Variants in ST13 observed in about 807,000 individuals in gnomAD.
The protein encoded by ST13 is hsc70-interacting protein.
Under a neutral mutation model 56.7 loss-of-function variants are expected in ST13, and 23 were observed. The observed-to-expected ratio is 0.41, with a 90% CI of 0.29 to 0.57. The LOEUF (loss-of-function observed/expected upper bound fraction) is 0.57. Among genes scored for constraint, ST13 ranks in the 20% least tolerant of loss-of-function variants. The pLI is 0.36. For missense variants in ST13, 369 were observed against 459.9 expected, an observed-to-expected ratio of 0.80 and a Z score of 1.81; for synonymous variants, 132 against 142.4, an observed-to-expected ratio of 0.93 and a Z score of 0.52.
intron 1 of ST13, among the ~76,000 whole-genome samples, chr22:40,853,595 C>A (rs542898991): frequency 1.3e-5 from 2 of 152,138 alleles, no homozygotes; most frequent in Non-Finnish European, 2.9e-5. Context: ...CATAGGACCA[C>A]ATAAAACTTC....
intron 4 of ST13, 64 bp from the exon 5 acceptor site, chr22:40,840,756 T>C (rs1320438652): frequency 4.2e-6 from 6 of 1,422,974 alleles, no homozygotes; most frequent in Non-Finnish European, 4.9e-6. Context: ...CAATTCATAC[T>C]TTCTTAGGGA....
chr22:40,829,734 A>G, intron 9 of ST13, 60 bp from the exon 10 acceptor site: 1 of 935,180 alleles, frequency 1.1e-6, no homozygotes, highest in Non-Finnish European at 1.5e-6. Context: ...TGTCCATGCA[A>G]CCTGTCCATG....
intron 9 of ST13, 114 bp downstream of exon 9, chr22:40,830,726 A>G: frequency 4.8e-6 from 3 of 629,278 alleles, no homozygotes; most frequent in East Asian, 2.6e-5. Context: ...TCATTACTCT[A>G]TAGAACTGTA....
chr22:40,834,019 G>A (rs1211242610), intron 7 of ST13, among the ~76,000 whole-genome samples: 1 of 152,166 alleles, frequency 6.6e-6, no homozygotes, highest in Non-Finnish European at 1.5e-5. Flanking sequence ...GGTCACACCT[G>A]TAATCCCAAT....
chr22:40,846,051 G>A (rs907686655), intron 3 of ST13, among the ~76,000 whole-genome samples: 3 of 151,898 alleles, frequency 2.0e-5, no homozygotes, highest in African/African-American at 7.3e-5. Context: ...ATTGTCCTGC[G>A]TCAGTCTCCC....
In ST13 at chr22:40,825,905, G is replaced by C. The variant is rs1347721355; in HGVS notation, c.*633C>G. 3.3e-5 allele frequency: 5 copies of C among 152,742 alleles called. No homozygotes were observed. The East Asian group carries it at 9.6e-4, about 29-fold the overall frequency. The allele number at this position is 152,742 out of a possible 1,614,324, so 9.5% of individuals were successfully genotyped here. On this transcript the variant is annotated 3_prime_UTR_variant, in exon 12 of 12. Coordinates refer to ENST00000216218, the MANE Select transcript of ST13 (RefSeq NM_003932.5). The stretch of plus-strand genomic sequence containing the variant: ...AAAACATCCCTTCACCACAGTGTAA[G>C]ATTTAAGGGCAACCTGCCCAAGGAT...
chr22:40,835,469 G>C lies in ST13; in HGVS notation c.578+91C>G, dbSNP rs982536776. Reference sequence around the variant, plus strand: ...CACTAATTTGAAAATTAAGTCATTAGGAACTTTTGTGTTTTTGTTTAAACA... The same window carrying C: ...CACTAATTTGAAAATTAAGTCATTACGAACTTTTGTGTTTTTGTTTAAACA... On this transcript the variant is annotated intron_variant, in intron 7 of 11. Coordinates refer to ENST00000216218, the MANE Select transcript of ST13 (RefSeq NM_003932.5). 27 of 1,105,040 alleles carry C rather than the reference G, an allele frequency of 2.4e-5. No individual in the cohort carries two copies. The South Asian group carries it at 3.6e-4, about 15-fold the overall frequency. 68.5% of individuals were successfully genotyped at this position (1,105,040 alleles called of 1,614,324 possible).
At chr22:40,832,102 C>T (rs2057756561) in intron 8 of ST13, 1 of 448,550 alleles carries the variant, frequency 2.2e-6, no homozygotes, top group Admixed American at 2.6e-5. Context: ...GATCCACCTG[C>T]CTCGGCCTCC....
chr22:40,832,506 G>T, intron 8 of ST13, 63 bp downstream of exon 8: 1 of 1,182,174 alleles, frequency 8.5e-7, no homozygotes, highest in Non-Finnish European at 1.3e-6. Flanking sequence ...AGCTGTCGGG[G>T]GCTAAGCACT....
At chr22:40,831,509 TG>T (rs2057753913) in intron 8 of ST13, among the ~76,000 whole-genome samples, 1 of 152,224 alleles carries the variant, frequency 6.6e-6, no homozygotes, top group Non-Finnish European at 1.5e-5. Context: ...ATAAATGCTC[TG>T]GATGTTATTT....
In ST13 at chr22:40,856,570, G is replaced by T; in HGVS notation, c.-30C>A. 2 of 1,585,634 alleles carry T rather than the reference G, an allele frequency of 1.3e-6. No homozygotes were observed. Among genetic ancestry groups the T allele is most frequent in the African/African-American group, 2.7e-5 (2 of 74,452 alleles). The stretch of plus-strand genomic sequence containing the variant: ...GGGAGGTGGTGGGCGAAACTGGGGG[G>T]GCTACGGCCCGGTTCCAGGCCCAGG... On this transcript the variant is annotated 5_prime_UTR_variant, in exon 1 of 12. Transcript: ENST00000216218.
intron 1 of ST13, among the ~76,000 whole-genome samples, chr22:40,855,194 G>A (rs2057883419): frequency 6.6e-6 from 1 of 152,168 alleles, no homozygotes; most frequent in South Asian, 2.1e-4. Context: ...AGTGGCTCAC[G>A]CCTGTAATAC....
At position 40,840,604 on chromosome 22, in the gene ST13, A is replaced by G. The variant is rs374897292; in HGVS notation, c.382+22T>C. The G allele has an allele frequency of 1.1e-5, 18 of 1,601,844 alleles. No homozygotes were observed. In the African/African-American group the frequency reaches 2.2e-4, roughly 19 times the overall value. On this transcript the variant is annotated intron_variant, in intron 5 of 11. Transcript: ENST00000216218. Reference sequence around the variant, plus strand: ...AATAAATATTCTGACTACCATAGAAATGTAGCAAAAAGATTACTCACCATC... The same window carrying G: ...AATAAATATTCTGACTACCATAGAAGTGTAGCAAAAAGATTACTCACCATC...
intron 5 of ST13, among the ~76,000 whole-genome samples, chr22:40,839,182 A>G (rs1218510194): frequency 2.6e-5 from 4 of 152,236 alleles, no homozygotes; most frequent in Non-Finnish European, 5.9e-5. Flanking sequence ...CAGTATAAAC[A>G]TGTTTTAAGG....
At chr22:40,827,346 A>G (rs941579192) in intron 10 of ST13, 117 bp from the exon 11 acceptor site, 107 of 999,492 alleles carry the variant, frequency 1.1e-4, no homozygotes, top group Admixed American at 5.5e-4. Context: ...AAGTAGTCTG[A>G]AGAGTCTGAA....
intron 4 of ST13, among the ~76,000 whole-genome samples, chr22:40,840,999 C>T (rs1286915720): frequency 6.6e-6 from 1 of 152,100 alleles, no homozygotes; most frequent in African/African-American, 2.4e-5. Flanking sequence ...CCAATCTCCT[C>T]ACAAAAAGAT....
At chr22:40,830,102 A>G (rs1177658543) in intron 9 of ST13, among the ~76,000 whole-genome samples, 3 of 152,376 alleles carry the variant, frequency 2.0e-5, no homozygotes, top group South Asian at 4.1e-4. Context: ...GCTTTTTAAA[A>G]GAGAAAATGA....
At chr22:40,830,745 T>TA in intron 9 of ST13, 95 bp downstream of exon 9, 2 of 704,554 alleles carry the variant, frequency 2.8e-6, no homozygotes, top group South Asian at 4.1e-5. Context: ...TAGCCAGCAT[T>TA]AAATAAAAGA....
intron 8 of ST13, chr22:40,832,289 T>A (rs910734024): frequency 2.1e-4 from 105 of 500,058 alleles, no homozygotes; most frequent in Non-Finnish European, 3.8e-4. Flanking sequence ...TGTTTCCTTG[T>A]TGTAAACCTG....
Sources: allele counts gnomAD v4.1 joint callset (sites outside exome capture counted in the v4.1 genomes callset), GRCh38; gene constraint gnomAD v4.1.1; transcripts MANE v1.5; gene names NCBI Gene and HGNC (gene_info 2026-07-23, HGNC 2026-07-21).